Variants in MCPH1 observed in about 807,000 individuals in gnomAD.
The protein encoded by MCPH1 is microcephalin 1.
MCPH1 carries 104 observed loss-of-function variants against 84.5 expected under a neutral mutation model. The observed-to-expected ratio is 1.23, with a 90% confidence interval of 1.05 to 1.45. MCPH1 has a LOEUF of 1.45. Ranked by LOEUF, MCPH1 falls within the 40% of genes most tolerant of loss-of-function variation. MCPH1 has a pLI of 0.00. For missense variants in MCPH1, 1,498 were observed against 1,005.7 expected (o/e 1.49, Z -6.62); for synonymous variants, 514 against 366.8 (o/e 1.40, Z -4.58).
At chr8:6,514,564 A>C in intron 12 of MCPH1, 1 of 919,960 alleles carries the variant, frequency 1.1e-6, no homozygotes, top group Non-Finnish European at 1.7e-6. Flanking sequence ...AATTTTAAAA[A>C]CCATGTCAAA....
chr8:6,557,068 C>T (rs6983611), intron 12 of MCPH1, among the ~76,000 whole-genome samples: 1,747 of 152,290 alleles, frequency 0.011, 45 homozygotes, highest in African/African-American at 0.04. Flanking sequence ...CACTCACTTA[C>T]GCTAATGAAC....
intron 13 of MCPH1, among the ~76,000 whole-genome samples, chr8:6,633,164 G>A (rs1797291308): frequency 6.6e-6 from 1 of 152,072 alleles, no homozygotes; most frequent in African/African-American, 2.4e-5. Context: ...ACACATGAAT[G>A]CTATTACTCT....
chr8:6,509,590 G>A (rs970595989), intron 12 of MCPH1, among the ~76,000 whole-genome samples: 1 of 152,112 alleles, frequency 6.6e-6, no homozygotes, highest in African/African-American at 2.4e-5. Flanking sequence ...TGTATAGTAG[G>A]GTAATGTAAT....
chr8:6,629,223 G>A (rs1465321547), intron 13 of MCPH1, among the ~76,000 whole-genome samples: 1 of 152,224 alleles, frequency 6.6e-6, no homozygotes, highest in Non-Finnish European at 1.5e-5. Flanking sequence ...AGCACTTTGG[G>A]AGGCCAGGGC....
chr8:6,624,790 AAC>A, intron 13 of MCPH1: 25 of 985,168 alleles, frequency 2.5e-5, no homozygotes, highest in Non-Finnish European at 3.0e-5. Flanking sequence ...AAACCTACAG[AAC>A]ACACAGTCCA....
chr8:6,586,459 G>A (rs1432933961), intron 12 of MCPH1, among the ~76,000 whole-genome samples: 1 of 152,170 alleles, frequency 6.6e-6, no homozygotes, highest in Non-Finnish European at 1.5e-5. Flanking sequence ...GTGGTCAAAG[G>A]TGCTTGCTGA....
intron 9 of MCPH1, among the ~76,000 whole-genome samples, chr8:6,460,842 G>A (rs890685880): frequency 6.6e-6 from 1 of 152,104 alleles, no homozygotes; most frequent in Admixed American, 6.5e-5. Flanking sequence ...CACTGACTTA[G>A]TAGCTGGGCA....
intron 12 of MCPH1, among the ~76,000 whole-genome samples, chr8:6,605,082 C>T (rs758071631): frequency 1.3e-5 from 2 of 152,132 alleles, no homozygotes; most frequent in Non-Finnish European, 2.9e-5. Flanking sequence ...CTGACCTCTC[C>T]CTGTGAGTCT....
chr8:6,522,017 A>G (rs564266931), intron 12 of MCPH1, among the ~76,000 whole-genome samples: 33 of 152,278 alleles, frequency 2.2e-4, no homozygotes, highest in South Asian at 1.9e-3. Context: ...TTAGGATACT[A>G]TCACCTAGGT....
chr8:6,423,202 T>A (rs1224645317), intron 3 of MCPH1, among the ~76,000 whole-genome samples: 1 of 145,906 alleles, frequency 6.9e-6, no homozygotes, highest in African/African-American at 2.6e-5. Flanking sequence ...TTTTTTTTTT[T>A]TTTTTGAAAC....
Position 6,437,642 on chromosome 8 carries a change from C to G in MCPH1, c.437-1311C>G, listed in dbSNP as rs534955250. 2.0e-5 allele frequency among the ~76,000 whole-genome samples: 3 copies of G among 152,320 alleles called. No individual in the cohort carries two copies. The South Asian group carries it at 6.2e-4, about 32-fold the overall frequency. ...CATGGCCTGCATCATTTGTTTCATGCTCAGCCCTCCCGCTGCCTCACCTGG... is the reference window on the plus strand; with the variant it reads ...CATGGCCTGCATCATTTGTTTCATGGTCAGCCCTCCCGCTGCCTCACCTGG... On this transcript the variant is annotated intron_variant, in intron 5 of 13. Coordinates refer to ENST00000344683, the MANE Select transcript of MCPH1 (RefSeq NM_024596.5).
At chr8:6,478,395 A>G (rs17077077) in intron 10 of MCPH1, among the ~76,000 whole-genome samples, 12,420 of 152,278 alleles carry the variant, frequency 0.082, 600 homozygotes, top group East Asian at 0.2. Flanking sequence ...AACATTCTAA[A>G]TAGTCTAATA....
chr8:6,528,697 C>T (rs769154388), intron 12 of MCPH1, among the ~76,000 whole-genome samples: 4 of 152,346 alleles, frequency 2.6e-5, no homozygotes, highest in Admixed American at 2.0e-4. Flanking sequence ...TCACTTCCTC[C>T]ATGTCATGCT....
At chr8:6,470,194 G>C (rs1159848075) in intron 9 of MCPH1, among the ~76,000 whole-genome samples, 1 of 152,146 alleles carries the variant, frequency 6.6e-6, no homozygotes, top group Non-Finnish European at 1.5e-5. Flanking sequence ...CTAATAATAA[G>C]ATAAAGGTTT....
rs184512382 is a variant in MCPH1, at chr8:6,473,061, A to G, written c.1936-4533A>G. Among the ~76,000 whole-genome samples the G allele has an allele frequency of 3.2e-4, 48 of 152,292 alleles. No individual in the cohort carries two copies. In the East Asian group the frequency reaches 7.5e-3, roughly 24 times the overall value. Reference sequence around the variant, plus strand: ...GAAGGTTATTCTCATAAAACACAGAATCTTTGGAATCTAAGCCAATTATAC... The same window carrying G: ...GAAGGTTATTCTCATAAAACACAGAGTCTTTGGAATCTAAGCCAATTATAC... On this transcript the variant is annotated intron_variant, in intron 9 of 13. Coordinates refer to ENST00000344683, the MANE Select transcript of MCPH1 (RefSeq NM_024596.5).
chr8:6,484,328 T>A (rs994412866), intron 11 of MCPH1, among the ~76,000 whole-genome samples: 1 of 152,214 alleles, frequency 6.6e-6, no homozygotes, highest in South Asian at 2.1e-4. Context: ...TATTGCTCAC[T>A]TCAGAAATAT....
At chr8:6,572,570 C>G (rs1017082301) in intron 12 of MCPH1, among the ~76,000 whole-genome samples, 1 of 152,214 alleles carries the variant, frequency 6.6e-6, no homozygotes, top group African/African-American at 2.4e-5. Flanking sequence ...ACACCATATA[C>G]AGATGTTAAA....
At chr8:6,556,110 A>G (rs1446188172) in intron 12 of MCPH1, among the ~76,000 whole-genome samples, 1 of 152,132 alleles carries the variant, frequency 6.6e-6, no homozygotes, top group Admixed American at 6.5e-5. Context: ...AGACTAACCA[A>G]GGGTGTCAAC....
At chr8:6,520,906 C>G (rs1016341322) in intron 12 of MCPH1, among the ~76,000 whole-genome samples, 1 of 152,152 alleles carries the variant, frequency 6.6e-6, no homozygotes, top group Non-Finnish European at 1.5e-5. Context: ...TAGTAATTTG[C>G]CCAGTCTCAT....
Sources: gnomAD v4.1 joint callset for allele counts (sites outside exome capture counted in the v4.1 genomes callset) on GRCh38, gnomAD v4.1.1 for gene constraint, MANE v1.5 for transcripts, NCBI Gene and HGNC (gene_info 2026-07-23, HGNC 2026-07-21) for gene names.